The following HPSE2 variants were observed in gnomAD, a reference collection of about 807,000 sequenced individuals.
HPSE2 encodes the protein heparanase 2 (inactive).
A neutral mutation model predicts 60.5 loss-of-function variants in HPSE2; 38 were observed. That is an observed-to-expected ratio of 0.63 (90% confidence interval 0.48 to 0.82). The LOEUF (loss-of-function observed/expected upper bound fraction) is 0.82, where lower values mean the gene tolerates loss of function less well. HPSE2 is among the 40% of genes least tolerant of loss of function. The pLI is 0.00. For missense variants in HPSE2, 713 were observed against 740.4 expected (o/e 0.96, Z 0.43); for synonymous variants, 295 against 293.2 (o/e 1.01, Z -0.06).
chr10:98,631,386 C>A (rs942271511), intron 7 of HPSE2, among the ~76,000 whole-genome samples: 1 of 152,180 alleles, frequency 6.6e-6, no homozygotes, highest in Non-Finnish European at 1.5e-5. Context: ...GCAATGACTA[C>A]GTTCAAGGAT....
At chr10:99,281,289 T>C in the HPSE2 span, among the ~76,000 whole-genome samples, 1 of 148,690 alleles carries the variant, frequency 6.7e-6, no homozygotes. Context: ...ATACATTGTA[T>C]AAGTAATATG....
chr10:98,792,208 T>A (rs1950669441), intron 3 of HPSE2, among the ~76,000 whole-genome samples: 1 of 151,788 alleles, frequency 6.6e-6, no homozygotes, highest in Non-Finnish European at 1.5e-5. Context: ...ATCAAAAGGT[T>A]TTTTTTTTCA....
At chr10:99,091,870 C>T (rs1342581) in intron 3 of HPSE2, among the ~76,000 whole-genome samples, 128,220 of 152,212 alleles carry the variant, frequency 0.84, 55,070 homozygotes, top group South Asian at 0.97. Context: ...AAATTCACTA[C>T]GGATTTTTAA....
the HPSE2 span, among the ~76,000 whole-genome samples, chr10:99,252,600 G>C: frequency 1.3e-5 from 2 of 152,148 alleles, no homozygotes; most frequent in East Asian, 1.9e-4. Flanking sequence ...ATACCGGCCA[G>C]GCGCAGTGGC....
chr10:98,742,959 TTTTCC>T (rs1178647954), intron 4 of HPSE2, among the ~76,000 whole-genome samples: 40 of 141,712 alleles, frequency 2.8e-4, no homozygotes, highest in Admixed American at 5.3e-4. Context: ...CTCTTCTTTT[TTTTCC>T]TTTTCTTTTC....
chr10:99,298,843 T>A, the HPSE2 span, among the ~76,000 whole-genome samples: 2 of 152,016 alleles, frequency 1.3e-5, no homozygotes, highest in East Asian at 3.9e-4. Flanking sequence ...CCCAGCTAAT[T>A]TTTGTATTTT....
chr10:98,559,363 C>G (rs920223015), intron 9 of HPSE2, among the ~76,000 whole-genome samples: 1 of 152,072 alleles, frequency 6.6e-6, no homozygotes, highest in Non-Finnish European at 1.5e-5. Flanking sequence ...TCTGAGTCCC[C>G]AGGATAGAGC....
chr10:98,530,699 C>T (rs982334534), intron 9 of HPSE2, among the ~76,000 whole-genome samples: 2 of 152,140 alleles, frequency 1.3e-5, no homozygotes, highest in African/African-American at 4.8e-5. Context: ...AGGATTGCAG[C>T]CCCCACCCTG....
chr10:98,913,451 T>G (rs1308482671), intron 3 of HPSE2, among the ~76,000 whole-genome samples: 1 of 152,236 alleles, frequency 6.6e-6, no homozygotes, highest in Non-Finnish European at 1.5e-5. Context: ...GTAAGTTGTG[T>G]GTAAATCTCT....
chr10:99,112,420 T>G lies in HPSE2; in HGVS notation c.610+31818A>C, dbSNP rs11189973. 0.016 allele frequency among the ~76,000 whole-genome samples: 302 copies of G among 18,510 alleles called. No homozygotes were observed. In the South Asian group the frequency reaches 0.23, roughly 14 times the overall value. The allele number at this position is 18,510 out of a possible 152,430, so 12.1% of individuals were successfully genotyped here. ...ATGCCCGGCTTTTTTTTGTTGTGTT[T>G]TGTTTTGTTTTGTTTTGTTTTGTTT... is the stretch of plus-strand genomic sequence containing the variant. On this transcript the variant is annotated intron_variant, in intron 3 of 11. Transcript: ENST00000370552.
intron 5 of HPSE2, among the ~76,000 whole-genome samples, chr10:98,707,099 G>GAAA (rs5787301): frequency 2.0e-5 from 3 of 148,008 alleles, no homozygotes. Flanking sequence ...ATGTAGGAAT[G>GAAA]AAAAAAAAAA....
intron 3 of HPSE2, among the ~76,000 whole-genome samples, chr10:98,965,888 CTT>C (rs376349261): frequency 6.7e-6 from 1 of 149,072 alleles, no homozygotes; most frequent in South Asian, 2.1e-4. Flanking sequence ...ACAGAAAGTC[CTT>C]TTTTTTTTCT....
At chr10:98,644,925 C>A (rs574933424) in intron 6 of HPSE2, among the ~76,000 whole-genome samples, 2 of 151,960 alleles carry the variant, frequency 1.3e-5, no homozygotes, top group African/African-American at 2.4e-5. Flanking sequence ...TGGATTGGAG[C>A]GGGAGGAGAT....
At chr10:99,139,083 A>G (rs971270474) in intron 3 of HPSE2, among the ~76,000 whole-genome samples, 1 of 152,220 alleles carries the variant, frequency 6.6e-6, no homozygotes, top group African/African-American at 2.4e-5. Context: ...GGACATATAT[A>G]CCATGAAATA....
intron 3 of HPSE2, among the ~76,000 whole-genome samples, chr10:98,937,388 CT>C (rs1480703779): frequency 6.9e-6 from 1 of 144,634 alleles, no homozygotes; most frequent in Admixed American, 6.9e-5. Context: ...CACCCTAATA[CT>C]GCGCTTTTCC....
intron 6 of HPSE2, among the ~76,000 whole-genome samples, chr10:98,684,628 G>A (rs897610689): frequency 2.6e-5 from 4 of 152,104 alleles, no homozygotes; most frequent in Admixed American, 6.6e-5. Context: ...TGAATGGTTA[G>A]GAGGTATGAG....
chr10:98,843,667 T>C (rs1951970637), intron 3 of HPSE2, among the ~76,000 whole-genome samples: 1 of 152,190 alleles, frequency 6.6e-6, no homozygotes, highest in African/African-American at 2.4e-5. Context: ...AAAGTAGACA[T>C]AACATCACCT....
the HPSE2 span, among the ~76,000 whole-genome samples, chr10:99,274,166 C>A: frequency 1.4e-5 from 2 of 144,940 alleles, no homozygotes; most frequent in African/African-American, 5.1e-5. Flanking sequence ...GCCAACATGG[C>A]AAAACCCTGT....
chr10:98,558,912 C>T (rs1054905678), intron 9 of HPSE2, among the ~76,000 whole-genome samples: 2 of 152,182 alleles, frequency 1.3e-5, no homozygotes, highest in Admixed American at 6.5e-5. Context: ...GAGCAGAGGC[C>T]GTACCCTTGA....
Sources: gnomAD v4.1 joint callset for allele counts (sites outside exome capture counted in the v4.1 genomes callset) on GRCh38, gnomAD v4.1.1 for gene constraint, MANE v1.5 for transcripts, NCBI Gene and HGNC (gene_info 2026-07-23, HGNC 2026-07-21) for gene names.